KHDRBS2: variants seen among roughly 807,000 people sequenced by gnomAD.
KHDRBS2 encodes KH RNA binding domain containing, signal transduction associated 2, also known as KH domain-containing, RNA-binding, signal transduction-associated protein 2.
In KHDRBS2, 26 loss-of-function variants were observed where a neutral mutation model predicts 44.3. That is an observed-to-expected ratio of 0.59 (90% confidence interval 0.43 to 0.81). The LOEUF (loss-of-function observed/expected upper bound fraction) is 0.81. Among genes scored for constraint, KHDRBS2 ranks in the 40% least tolerant of loss-of-function variants. KHDRBS2 has a pLI of 0.00. For synonymous variants in KHDRBS2, 194 were observed against 151.1 expected (o/e 1.28, Z -2.08); for missense variants, 476 against 433.1 (o/e 1.10, Z -0.88).
chr6:61,806,950 AT>A (rs1043918249), intron 6 of KHDRBS2, among the ~76,000 whole-genome samples: 12 of 151,968 alleles, frequency 7.9e-5, no homozygotes, highest in African/African-American at 2.2e-4. Flanking sequence ...ATGTCAAATC[AT>A]TTTTTTTAGG....
intron 4 of KHDRBS2, among the ~76,000 whole-genome samples, chr6:61,977,825 A>T (rs996329363): frequency 2.0e-5 from 3 of 152,114 alleles, no homozygotes; most frequent in Admixed American, 6.6e-5. Context: ...CTATGAACCG[A>T]TGCATGGCAT....
In KHDRBS2 at chr6:61,765,917, T is replaced by C. The variant is rs534529869; in HGVS notation, c.811-33153A>G. Among the ~76,000 whole-genome samples the C allele has an allele frequency of 2.0e-5, 3 of 147,080 alleles. No homozygotes were observed. In the South Asian group the frequency reaches 6.5e-4, roughly 32 times the overall value. On this transcript the variant is annotated intron_variant, in intron 6 of 8. Coordinates refer to ENST00000281156, the MANE Select transcript of KHDRBS2 (RefSeq NM_152688.4). ...TTGGGGATATTTGCAGCAATGTTCA[T>C]CAGGTTTATTGGCCTGTAGTTTTCT...
intron 1 of KHDRBS2, among the ~76,000 whole-genome samples, chr6:62,250,077 T>G (rs1199802137): frequency 6.6e-6 from 1 of 151,986 alleles, no homozygotes; most frequent in South Asian, 2.1e-4. Context: ...ATGGGAACAG[T>G]TCTAGGGGCA....
intron 4 of KHDRBS2, among the ~76,000 whole-genome samples, chr6:61,942,917 T>C (rs1268824019): frequency 1.4e-5 from 2 of 142,972 alleles, no homozygotes; most frequent in Non-Finnish European, 3.0e-5. Flanking sequence ...TGGGAAGATA[T>C]GTTGGAAAGA....
intron 3 of KHDRBS2, among the ~76,000 whole-genome samples, chr6:62,021,385 T>G (rs1418046383): frequency 6.6e-6 from 1 of 151,946 alleles, no homozygotes. Flanking sequence ...ATAACAAACC[T>G]GCACATGTAC....
At chr6:62,270,981 C>A (rs1014236157) in intron 1 of KHDRBS2, among the ~76,000 whole-genome samples, 1 of 152,098 alleles carries the variant, frequency 6.6e-6, no homozygotes, top group African/African-American at 2.4e-5. Context: ...ATAACGGTAG[C>A]TTTCAGCATT....
chr6:61,674,299 C>A, the KHDRBS2 span, among the ~76,000 whole-genome samples: 1 of 151,682 alleles, frequency 6.6e-6, no homozygotes, highest in Non-Finnish European at 1.5e-5. Context: ...TGCTGCAGAA[C>A]AGAAATTATG....
chr6:62,058,325 A>T (rs200940525), intron 2 of KHDRBS2, among the ~76,000 whole-genome samples: 130 of 152,008 alleles, frequency 8.6e-4, no homozygotes, highest in Non-Finnish European at 1.6e-3. Flanking sequence ...GAATTCCATC[A>T]TTCGTTGATA....
At chr6:61,746,328 C>A (rs1006614506) in intron 6 of KHDRBS2, among the ~76,000 whole-genome samples, 1 of 152,118 alleles carries the variant, frequency 6.6e-6, no homozygotes, top group Non-Finnish European at 1.5e-5. Flanking sequence ...CCCCGACAGG[C>A]CACTGTGTGT....
intron 3 of KHDRBS2, among the ~76,000 whole-genome samples, chr6:62,020,489 C>A (rs1782057090): frequency 6.6e-6 from 1 of 151,918 alleles, no homozygotes; most frequent in Non-Finnish European, 1.5e-5. Context: ...TTGTTCAACT[C>A]TTCTCTATCC....
chr6:62,271,218 A>G (rs879388135), intron 1 of KHDRBS2, among the ~76,000 whole-genome samples: 6 of 152,114 alleles, frequency 3.9e-5, no homozygotes, highest in Non-Finnish European at 8.8e-5. Flanking sequence ...TGTTGTTTCA[A>G]TCAACAATAA....
At chr6:61,595,549 C>CTT in the KHDRBS2 span, among the ~76,000 whole-genome samples, 2 of 152,004 alleles carry the variant, frequency 1.3e-5, no homozygotes, top group African/African-American at 2.4e-5. Context: ...CTCTCATACA[C>CTT]TTTGCATATA....
intron 6 of KHDRBS2, among the ~76,000 whole-genome samples, chr6:61,748,760 T>C (rs1582584191): frequency 6.6e-6 from 1 of 152,040 alleles, no homozygotes; most frequent in South Asian, 2.1e-4. Flanking sequence ...TGTTTGTTTA[T>C]AATGTTAAAA....
At chr6:62,046,211 A>G (rs961732038) in intron 3 of KHDRBS2, among the ~76,000 whole-genome samples, 5 of 151,952 alleles carry the variant, frequency 3.3e-5, no homozygotes, top group Admixed American at 2.6e-4. Context: ...GGATTTTCCA[A>G]TACTTTTGCT....
In KHDRBS2 at chr6:61,806,869, GT is replaced by G. The variant is rs1293586162; in HGVS notation, c.811-74106del. Among the ~76,000 whole-genome samples, 5 of 152,036 alleles carry G rather than the reference GT, an allele frequency of 3.3e-5. No homozygotes were observed. In the South Asian group the frequency reaches 1.0e-3, roughly 32 times the overall value. ...ATATATTAATGATGTACAACATAAA[GT>G]TTTGATACATGTATATATACATTGT... On this transcript the variant is annotated intron_variant, in intron 6 of 8. Transcript: ENST00000281156.
Position 61,978,065 on chromosome 6 carries a change from C to A in KHDRBS2, c.483+1G>T. The A allele has an allele frequency of 3.8e-6, 6 of 1,586,926 alleles. No individual in the cohort carries two copies. Among genetic ancestry groups the A allele is most frequent in the Non-Finnish European group, 4.3e-6 (5 of 1,171,740 alleles). ...CTTTGTAAAAAATGAAAGACACTTA[C>A]AGGAACCAGGAATTTTTTAATCTCT... On this transcript the variant is annotated splice_donor_variant, in intron 4 of 8. Coordinates refer to ENST00000281156, the MANE Select transcript of KHDRBS2 (RefSeq NM_152688.4). LOFTEE classifies it high-confidence loss of function.
intron 1 of KHDRBS2, among the ~76,000 whole-genome samples, chr6:62,234,293 C>A (rs1186197326): frequency 6.6e-6 from 1 of 152,092 alleles, no homozygotes; most frequent in Non-Finnish European, 1.5e-5. Flanking sequence ...GTAATCTGAT[C>A]TTTCTCTCCC....
chr6:61,852,554 C>T (rs1583171584), intron 6 of KHDRBS2, among the ~76,000 whole-genome samples: 1 of 148,204 alleles, frequency 6.7e-6, no homozygotes, highest in Non-Finnish European at 1.5e-5. Context: ...CAGAGCGAGA[C>T]TCCGTCTCAA....
the KHDRBS2 span, among the ~76,000 whole-genome samples, chr6:61,581,810 G>A: frequency 6.6e-6 from 1 of 151,264 alleles, no homozygotes; most frequent in African/African-American, 2.4e-5. Flanking sequence ...GCTTGTTAAA[G>A]AGATATGCAG....
Sources: gnomAD v4.1 joint callset for allele counts (sites outside exome capture counted in the v4.1 genomes callset) on GRCh38, gnomAD v4.1.1 for gene constraint, MANE v1.5 for transcripts, NCBI Gene and HGNC (gene_info 2026-07-23, HGNC 2026-07-21) for gene names.